RSRC1: variants seen among roughly 807,000 people sequenced by gnomAD.
RSRC1 encodes serine/Arginine-related protein 53.
RSRC1 carries 39 observed loss-of-function variants against 49.1 expected under a neutral mutation model. That is an observed-to-expected ratio of 0.79 (90% CI 0.61 to 1.04). The LOEUF is 1.04. Ranked by LOEUF, RSRC1 falls within the 50% of genes least tolerant of loss-of-function variation. The pLI, the probability that RSRC1 is intolerant of heterozygous loss-of-function variation, is 0.00. For synonymous variants in RSRC1, 143 were observed against 130.8 expected, an observed-to-expected ratio of 1.09 and a Z score of -0.63; for missense variants, 388 against 402.4, an observed-to-expected ratio of 0.96 and a Z score of 0.31.
intron 5 of RSRC1, among the ~76,000 whole-genome samples, chr3:158,327,340 A>G (rs1457812042): frequency 2.6e-5 from 4 of 152,036 alleles, no homozygotes; most frequent in Non-Finnish European, 5.9e-5. Context: ...TCAATTTTAG[A>G]TCTTTCCTGC....
chr3:158,200,060 C>T lies in RSRC1; in HGVS notation c.321-3012C>T, dbSNP rs547546528. ...TTATCCATTTACTTTTTTTTTGAGACGGAGTCTTGTTCTGTCACCCAGGCT... is the reference window on the plus strand; with the variant it reads ...TTATCCATTTACTTTTTTTTTGAGATGGAGTCTTGTTCTGTCACCCAGGCT... On this transcript the variant is annotated intron_variant, in intron 3 of 9. Coordinates refer to ENST00000611884, the MANE Select transcript of RSRC1 (RefSeq NM_001271838.2). Among the ~76,000 whole-genome samples the T allele has an allele frequency of 1.5e-4, 23 of 151,784 alleles. No individual in the cohort carries two copies. In the East Asian group the frequency reaches 4.1e-3, roughly 27 times the overall value.
chr3:158,286,993 A>G (rs1726604390), intron 4 of RSRC1, among the ~76,000 whole-genome samples: 1 of 151,988 alleles, frequency 6.6e-6, no homozygotes, highest in African/African-American at 2.4e-5. Context: ...CACCCGGCCA[A>G]TTTTTTGTAT....
chr3:158,382,660 C>T (rs564428734), intron 6 of RSRC1, among the ~76,000 whole-genome samples: 3 of 152,274 alleles, frequency 2.0e-5, no homozygotes, highest in East Asian at 1.9e-4. Flanking sequence ...AAATACCCGG[C>T]GTGGTCTGAG....
At chr3:158,273,511 G>T (rs369029614) in intron 4 of RSRC1, among the ~76,000 whole-genome samples, 3 of 151,980 alleles carry the variant, frequency 2.0e-5, no homozygotes, top group African/African-American at 7.2e-5. Flanking sequence ...TGGAACTCAC[G>T]GATAAATTAT....
intron 7 of RSRC1, among the ~76,000 whole-genome samples, chr3:158,530,594 G>C (rs1388626595): frequency 6.6e-6 from 1 of 151,700 alleles, no homozygotes. Flanking sequence ...TCACTTATTT[G>C]AAAAGAGAGG....
At chr3:158,242,823 T>C (rs1452193833) in intron 4 of RSRC1, among the ~76,000 whole-genome samples, 1 of 152,224 alleles carries the variant, frequency 6.6e-6, no homozygotes, top group Non-Finnish European at 1.5e-5. Flanking sequence ...TGAGCTTTTT[T>C]TCATGTTTGT....
intron 5 of RSRC1, among the ~76,000 whole-genome samples, chr3:158,342,392 A>G (rs1306649385): frequency 1.3e-5 from 2 of 152,162 alleles, no homozygotes; most frequent in African/African-American, 2.4e-5. Context: ...GATAGTGAAT[A>G]AGTCTCACGA....
intron 6 of RSRC1, among the ~76,000 whole-genome samples, chr3:158,381,812 C>T (rs183103329): frequency 1.7e-3 from 263 of 152,106 alleles, no homozygotes; most frequent in Non-Finnish European, 2.7e-3. Flanking sequence ...GGGCACTTAC[C>T]GTAAATAGAC....
At chr3:158,178,414 C>T (rs1719380779) in intron 3 of RSRC1, among the ~76,000 whole-genome samples, 1 of 152,218 alleles carries the variant, frequency 6.6e-6, no homozygotes, top group Non-Finnish European at 1.5e-5. Flanking sequence ...GCTGGGATTA[C>T]AGGCATGAGC....
At chr3:158,441,477 A>C (rs988826791) in intron 6 of RSRC1, among the ~76,000 whole-genome samples, 3 of 152,060 alleles carry the variant, frequency 2.0e-5, no homozygotes, top group African/African-American at 7.2e-5. Context: ...GAGCAAGAAT[A>C]TTCCTGCATC....
At chr3:158,192,878 A>G (rs1417312143) in intron 3 of RSRC1, among the ~76,000 whole-genome samples, 1 of 152,080 alleles carries the variant, frequency 6.6e-6, no homozygotes, top group African/African-American at 2.4e-5. Flanking sequence ...TATATAAAAG[A>G]TATACATTGA....
At chr3:158,279,892 T>C (rs750866416) in intron 4 of RSRC1, among the ~76,000 whole-genome samples, 7 of 152,142 alleles carry the variant, frequency 4.6e-5, no homozygotes, top group Non-Finnish European at 1.0e-4. Flanking sequence ...GCTTATGTAA[T>C]CAGTGGGACT....
At chr3:158,469,518 A>G in intron 7 of RSRC1, 9 of 205,540 alleles carry the variant, frequency 4.4e-5, no homozygotes, top group South Asian at 2.8e-4. Context: ...TATAGCAGAG[A>G]TCAAATAGAA....
chr3:158,181,835 G>A (rs1331325088), intron 3 of RSRC1, among the ~76,000 whole-genome samples: 1 of 152,152 alleles, frequency 6.6e-6, no homozygotes, highest in Non-Finnish European at 1.5e-5. Flanking sequence ...TGAGAAAGTA[G>A]TACATGAATT....
chr3:158,195,445 G>A (rs913198386), intron 3 of RSRC1, among the ~76,000 whole-genome samples: 2 of 151,480 alleles, frequency 1.3e-5, no homozygotes, highest in East Asian at 1.9e-4. Context: ...CCATTCTGTA[G>A]GTTGCCTGTT....
At position 158,203,128 on chromosome 3, in the gene RSRC1, A is replaced by G. The variant is rs1274971008; in HGVS notation, c.377A>G (p.His126Arg). The G allele has an allele frequency of 2.5e-6, 4 of 1,613,776 alleles. No homozygotes were observed. The African/African-American group carries it at 5.3e-5, about 22-fold the overall frequency. The change falls in exon 4 of 10, where the codon CAC (histidine) becomes CGC (arginine). Residue 126 changes from histidine (H) to arginine (R), a missense_variant. His to Arg is a conservative substitution (Grantham distance 29). Transcript: ENST00000611884. ...SHSRSSERSS[H>R]RRTRSRSRDR... ...AGTCGTAGCAGTGAAAGGTCCAGTC[A>G]CAGAAGAACGCGTAGTCGGTCTCGG...
At chr3:158,442,515 T>C (rs1301216812) in intron 6 of RSRC1, among the ~76,000 whole-genome samples, 1 of 152,084 alleles carries the variant, frequency 6.6e-6, no homozygotes, top group Non-Finnish European at 1.5e-5. Context: ...CATGCTCCAC[T>C]TCTAATTCTA....
intron 3 of RSRC1, among the ~76,000 whole-genome samples, chr3:158,134,939 A>G (rs983388497): frequency 3.9e-5 from 6 of 152,208 alleles, no homozygotes; most frequent in Non-Finnish European, 7.3e-5. Flanking sequence ...AAAACATTTG[A>G]AATGAGGCAC....
intron 6 of RSRC1, among the ~76,000 whole-genome samples, chr3:158,362,074 C>T (rs959857574): frequency 6.6e-6 from 1 of 152,176 alleles, no homozygotes; most frequent in African/African-American, 2.4e-5. Context: ...CATGGTGGCT[C>T]ACTCCTATAA....
Sources: gnomAD v4.1 joint callset for allele counts (sites outside exome capture counted in the v4.1 genomes callset) on GRCh38, gnomAD v4.1.1 for gene constraint, MANE v1.5 for transcripts, NCBI Gene and HGNC (gene_info 2026-07-23, HGNC 2026-07-21) for gene names.